Variants in TBC1D16 observed in about 807,000 individuals in gnomAD.
TBC1D16 encodes the protein TBC1 domain family member 16, also known as CTD-2529O21.1.
TBC1D16 carries 58 observed loss-of-function variants against 74.7 expected under a neutral mutation model. The observed-to-expected ratio is 0.78, with a 90% CI of 0.63 to 0.97. The LOEUF (loss-of-function observed/expected upper bound fraction) is 0.97, where lower values mean the gene tolerates loss of function less well. TBC1D16 is among the 50% of genes least tolerant of loss of function. The pLI is 0.00. For synonymous variants in TBC1D16, 493 were observed against 474.7 expected, an observed-to-expected ratio of 1.04 and a Z score of -0.50; for missense variants, 1,014 against 1,079.5, an observed-to-expected ratio of 0.94 and a Z score of 0.85.
rs1457373833 is a variant in TBC1D16 at position 79,948,873 on chromosome 17, T to A, written c.1540A>T (p.Arg514Trp). Residue 514 changes from arginine to tryptophan, a missense_variant and splice_region_variant, in exon 8 of 12, where the codon AGG (arginine) becomes TGG (tryptophan). Physicochemically the swap from Arg to Trp is moderately radical, Grantham distance 101 (BLOSUM62 -3). Transcript: ENST00000310924. ...AGGAGCTGGCTGGGGAGGGAGTACC[T>A]CATGCTCTCCACATTGGGATTGTCT... is the stretch of plus-strand genomic sequence containing the variant. ...GEDNPNVESM[R>W]RILLNYAVYN... is the part of the protein sequence containing the mutation. 6.2e-7 allele frequency: 1 copy of A among 1,614,018 alleles called. No homozygotes were observed. The highest frequency in any genetic ancestry group is 1.1e-5 in the South Asian group (1 of 91,074).
At chr17:79,946,640 G>A (rs1442493499) in intron 9 of TBC1D16, among the ~76,000 whole-genome samples, 1 of 152,046 alleles carries the variant, frequency 6.6e-6, no homozygotes, top group Non-Finnish European at 1.5e-5. Flanking sequence ...TCTGTGTCCT[G>A]GGGGTGGGGA....
Position 80,008,015 on chromosome 17 carries a change from T to C in TBC1D16, c.779+2145A>G, listed in dbSNP as rs544209452. ...GATGCCAATACATCCCCACCCTCAG[T>C]TGTGATAAAAAAAAAAAAAAAGTGT... On this transcript the variant is annotated intron_variant, in intron 3 of 11. Transcript: ENST00000310924. This position sits in a 1 kb window ranked among gnomAD's most constrained non-coding sequence, Gnocchi z 4.5. Among the ~76,000 whole-genome samples the C allele has an allele frequency of 6.7e-6, 1 of 149,094 alleles. No individual in the cohort carries two copies. Among genetic ancestry groups the C allele is most frequent in the South Asian group, 2.2e-4 (1 of 4,646 alleles).
At chr17:79,974,168 T>G (rs1350172950) in intron 3 of TBC1D16, among the ~76,000 whole-genome samples, 1 of 152,190 alleles carries the variant, frequency 6.6e-6, no homozygotes, top group East Asian at 1.9e-4. Context: ...GGTAGGAGAC[T>G]TCATTACTCT....
At position 79,941,246 on chromosome 17, in the gene TBC1D16, C is replaced by G; in HGVS notation, c.2056-139G>C. The G allele has an allele frequency of 1.2e-6, 1 of 819,560 alleles. No individual in the cohort carries two copies. Among genetic ancestry groups the G allele is most frequent in the Non-Finnish European group, 1.8e-6 (1 of 543,192 alleles). 50.8% of individuals were successfully genotyped at this position (819,560 alleles called of 1,614,324 possible). Reference sequence around the variant, plus strand: ...GGCTCACCGAGTCCTGGACTGAGGGCTCTGCCTGCATCTCCCACCATCACC... The same window carrying G: ...GGCTCACCGAGTCCTGGACTGAGGGGTCTGCCTGCATCTCCCACCATCACC... On this transcript the variant is annotated intron_variant, in intron 11 of 11. Coordinates refer to ENST00000310924, the MANE Select transcript of TBC1D16 (RefSeq NM_019020.4). This position sits in a 1 kb window ranked among gnomAD's most constrained non-coding sequence, Gnocchi z 4.3.
In TBC1D16 at chr17:79,950,951, G is replaced by T; in HGVS notation, c.1090-373C>A. On this transcript the variant is annotated intron_variant, in intron 5 of 11. Coordinates refer to ENST00000310924, the MANE Select transcript of TBC1D16 (RefSeq NM_019020.4). The surrounding 1 kb of genome is among the most constrained non-coding windows in gnomAD (Gnocchi z 4.6). Reference sequence around the variant, plus strand: ...AAAGGGATCGCTGTTCTGCGAGCAGGGAGCCAGCCTGTCAGATTGCCTCCG... The same window carrying T: ...AAAGGGATCGCTGTTCTGCGAGCAGTGAGCCAGCCTGTCAGATTGCCTCCG... The T allele has an allele frequency of 8.7e-7, 1 of 1,147,124 alleles. No individual in the cohort carries two copies. The highest frequency in any genetic ancestry group is 1.2e-6 in the Non-Finnish European group (1 of 840,678). 71.1% of individuals were successfully genotyped at this position (1,147,124 alleles called of 1,614,324 possible). A position where few individuals can be genotyped will look rare whatever the true frequency, so the allele number is the denominator to read the frequency against.
chr17:79,970,270 G>C (rs2034025024), intron 3 of TBC1D16, among the ~76,000 whole-genome samples: 1 of 152,196 alleles, frequency 6.6e-6, no homozygotes, highest in African/African-American at 2.4e-5. Context: ...TGGCTGCCAG[G>C]GCTGGGGAAG....
rs200581297 is a variant in TBC1D16 at position 79,951,391 on chromosome 17, G to A, written c.1089+59C>T. The A allele has an allele frequency of 1.8e-3, 2,842 of 1,580,448 alleles. 6 individuals are homozygous for A. The highest frequency in any genetic ancestry group is 2.3e-3 in the Non-Finnish European group (2,645 of 1,161,662). ...ACACAGGACCCAGGAGGGAGATGGG[G>A]CCCGTGGGGGGTGGGGAGTGTCAAC... On this transcript the variant is annotated intron_variant, in intron 5 of 11. Coordinates refer to ENST00000310924, the MANE Select transcript of TBC1D16 (RefSeq NM_019020.4).
rs566430902 is a variant in TBC1D16, at chr17:80,008,393, C to A, written c.779+1767G>T. ...TTGAGCTCCCTACGAGATGGGGCTG[C>A]GGGACAGAGAGCTGACCGGCCAGCT... On this transcript the variant is annotated intron_variant, in intron 3 of 11. Coordinates refer to ENST00000310924, the MANE Select transcript of TBC1D16 (RefSeq NM_019020.4). This position sits in a 1 kb window ranked among gnomAD's most constrained non-coding sequence, Gnocchi z 4.5. Among the ~76,000 whole-genome samples the A allele has an allele frequency of 6.6e-6, 1 of 152,138 alleles. No individual in the cohort carries two copies. Among genetic ancestry groups the A allele is most frequent in the Admixed American group, 6.5e-5 (1 of 15,274 alleles).
At chr17:79,968,842 CAAAAAAAAAAAA>C (rs34365366) in intron 3 of TBC1D16, among the ~76,000 whole-genome samples, 2 of 55,394 alleles carry the variant, frequency 3.6e-5, no homozygotes, top group African/African-American at 1.6e-4. Flanking sequence ...GATGCCGTCT[CAAAAAAAAAAAA>C]AAAAAAAAAA....
At chr17:79,978,468 C>T (rs1333981113) in intron 3 of TBC1D16, among the ~76,000 whole-genome samples, 1 of 143,178 alleles carries the variant, frequency 7.0e-6, no homozygotes, top group Non-Finnish European at 1.5e-5. Context: ...GGGTGGGGGC[C>T]GTGGCGGGCG....
At chr17:79,968,590 A>G (rs2033937289) in intron 3 of TBC1D16, among the ~76,000 whole-genome samples, 1 of 152,232 alleles carries the variant, frequency 6.6e-6, no homozygotes, top group African/African-American at 2.4e-5. Context: ...ACGGTGGCTC[A>G]CGCCTGTAAT....
rs1032374604 is a variant in TBC1D16 at position 80,018,274 on chromosome 17, ATTTC to A, written c.-62-4669_-62-4666del. 8.7e-5 allele frequency among the ~76,000 whole-genome samples: 12 copies of A among 137,790 alleles called. 1 individual carries two copies. Among genetic ancestry groups the A allele is most frequent in the Admixed American group, 4.7e-4 (7 of 14,784 alleles). 90.4% of individuals were successfully genotyped at this position (137,790 alleles called of 152,430 possible). A position where few individuals can be genotyped will look rare whatever the true frequency, so the allele number is the denominator to read the frequency against. ...AGCATATAGTCAATATGAAAACATT[ATTTC>A]TTTATTTTTTTTTTATTTTTTGAGA... On this transcript the variant is annotated intron_variant, in intron 1 of 11. Transcript: ENST00000310924.
rs772794539 is a variant in TBC1D16, at chr17:79,950,746, A to G, written c.1090-168T>C. 6.5e-7 allele frequency: 1 copy of G among 1,537,942 alleles called. No homozygotes were observed. Among genetic ancestry groups the G allele is most frequent in the South Asian group, 1.2e-5 (1 of 84,068 alleles). On this transcript the variant is annotated intron_variant, in intron 5 of 11. Coordinates refer to ENST00000310924, the MANE Select transcript of TBC1D16 (RefSeq NM_019020.4). The surrounding 1 kb of genome is among the most constrained non-coding windows in gnomAD (Gnocchi z 4.6). ...GCGAGTGTAATTAGGCGCAATTAAA[A>G]TGAAAATACCTTCATCTTAAAATCG...
At position 79,938,785 on chromosome 17, in the gene TBC1D16, G is replaced by A. The variant is rs2031781102; in HGVS notation, c.*2074C>T. 1 of 152,346 alleles carries A rather than the reference G, an allele frequency of 6.6e-6. No individual in the cohort carries two copies. Among genetic ancestry groups the A allele is most frequent in the African/African-American group, 2.4e-5 (1 of 41,466 alleles). The allele number at this position is 152,346 out of a possible 1,614,324, so 9.4% of individuals were successfully genotyped here. A position where few individuals can be genotyped will look rare whatever the true frequency, so the allele number is the denominator to read the frequency against. On this transcript the variant is annotated 3_prime_UTR_variant, in exon 12 of 12. Coordinates refer to ENST00000310924, the MANE Select transcript of TBC1D16 (RefSeq NM_019020.4). ...GCTGTGGCCAAGGGGAGAGCTGCAGGTGTGGTGTCCACCAAGGCTTGGAAA... is the reference window on the plus strand; with the variant it reads ...GCTGTGGCCAAGGGGAGAGCTGCAGATGTGGTGTCCACCAAGGCTTGGAAA...
chr17:79,952,371 G>A (rs1340629899), intron 4 of TBC1D16, among the ~76,000 whole-genome samples: 3 of 152,204 alleles, frequency 2.0e-5, no homozygotes, highest in Non-Finnish European at 4.4e-5. Context: ...CCTCTGCCCT[G>A]GTTTGGTTTC....
At chr17:80,004,260 T>C (rs2035594353) in intron 3 of TBC1D16, among the ~76,000 whole-genome samples, 3 of 152,188 alleles carry the variant, frequency 2.0e-5, no homozygotes. Context: ...GAGAGCCTCA[T>C]CTGCACCTCA....
At position 79,940,845 on chromosome 17, in the gene TBC1D16, G is replaced by A; in HGVS notation, c.*14C>T. Reference sequence around the variant, plus strand: ...GAGGTCCCCTCAACCCCTGTCCGGTGTCGGGGGCCCGACCTATCTGCGGAA... The same window carrying A: ...GAGGTCCCCTCAACCCCTGTCCGGTATCGGGGGCCCGACCTATCTGCGGAA... On this transcript the variant is annotated 3_prime_UTR_variant, in exon 12 of 12. Transcript: ENST00000310924. This position sits in a 1 kb window ranked among gnomAD's most constrained non-coding sequence, Gnocchi z 5.4. 2 of 1,521,874 alleles carry A rather than the reference G, an allele frequency of 1.3e-6. No individual in the cohort carries two copies. The highest frequency in any genetic ancestry group is 1.4e-5 in the African/African-American group (1 of 73,204). 94.3% of individuals were successfully genotyped at this position (1,521,874 alleles called of 1,614,324 possible).
chr17:80,002,511 C>A (rs1441802126), intron 3 of TBC1D16, among the ~76,000 whole-genome samples: 2 of 152,208 alleles, frequency 1.3e-5, no homozygotes, highest in African/African-American at 4.8e-5. Context: ...TGTGCCATCG[C>A]CCCCATGACA....
chr17:79,944,560 G>A lies in TBC1D16; in HGVS notation c.1908+348C>T, dbSNP rs575507960. 6.6e-6 allele frequency among the ~76,000 whole-genome samples: 1 copy of A among 152,298 alleles called. No individual in the cohort carries two copies. The highest frequency in any genetic ancestry group is 2.1e-4 in the South Asian group (1 of 4,830). ...CAGGGCGGTCCCGAGGGGGTGGAGC[G>A]GTGCTGGCTCACGCTCGTGGGCACC... On this transcript the variant is annotated intron_variant, in intron 10 of 11. Coordinates refer to ENST00000310924, the MANE Select transcript of TBC1D16 (RefSeq NM_019020.4). The surrounding 1 kb of genome is among the most constrained non-coding windows in gnomAD (Gnocchi z 7.7).
Sources: allele counts gnomAD v4.1 joint callset (sites outside exome capture counted in the v4.1 genomes callset), GRCh38; gene constraint gnomAD v4.1.1; non-coding constraint Gnocchi (gnomAD v3.1); transcripts MANE v1.5; gene names NCBI Gene and HGNC (gene_info 2026-07-23, HGNC 2026-07-21).